Variants in SETDB1 observed in about 807,000 individuals in gnomAD.
The protein encoded by SETDB1 is histone-lysine N-methyltransferase SETDB1.
Under a neutral mutation model 137.4 loss-of-function variants are expected in SETDB1, and 31 were observed. The ratio of observed to expected loss-of-function variants is 0.23; its 90% CI spans 0.17 to 0.30. The LOEUF is 0.30. SETDB1 is among the 10% of genes least tolerant of loss of function. SETDB1 has a pLI of 1.00. For synonymous variants in SETDB1, 548 were observed against 579.9 expected (o/e 0.95, Z 0.79); for missense variants, 1,113 against 1,631.5 (o/e 0.68, Z 5.47).
At chr1:150,939,657 T>C (rs965952703) in intron 3 of SETDB1, among the ~76,000 whole-genome samples, 7 of 152,016 alleles carry the variant, frequency 4.6e-5, no homozygotes, top group Non-Finnish European at 7.4e-5. Flanking sequence ...GCTCTTGTTA[T>C]GTTGCCCAGG....
At chr1:150,946,845 T>C (rs768508267) in intron 9 of SETDB1, 41 bp from the exon 10 acceptor site, 9 of 1,612,118 alleles carry the variant, frequency 5.6e-6, no homozygotes, top group Non-Finnish European at 7.6e-6. Context: ...GATTCTAGCC[T>C]TTAAGCTATT....
At chr1:150,935,616 T>C (rs1290163791) in intron 3 of SETDB1, among the ~76,000 whole-genome samples, 1 of 152,206 alleles carries the variant, frequency 6.6e-6, no homozygotes, top group East Asian at 1.9e-4. Flanking sequence ...CATTGACTCC[T>C]GTTGTGACTC....
At chr1:150,933,785 T>C (rs1309439379) in intron 3 of SETDB1, among the ~76,000 whole-genome samples, 15 of 139,056 alleles carry the variant, frequency 1.1e-4, no homozygotes, top group South Asian at 2.3e-4. Flanking sequence ...TTTTCTTTTT[T>C]TTTTTTTTTT....
intron 3 of SETDB1, among the ~76,000 whole-genome samples, chr1:150,938,578 A>C (rs1008995577): frequency 6.6e-6 from 1 of 151,660 alleles, no homozygotes; most frequent in Non-Finnish European, 1.5e-5. Flanking sequence ...GCTCACTACA[A>C]CCTCCGCCTC....
chr1:150,964,388 T>A lies in SETDB1; in HGVS notation c.*24T>A. ...AGAGGACAGCCTTCTTCCCAACCCT[T>A]CTTGAACTGTCGTTTCCTCAGGAAC... On this transcript the variant is annotated 3_prime_UTR_variant, in exon 22 of 22. Transcript: ENST00000692827. 2 of 1,543,752 alleles carry A rather than the reference T, an allele frequency of 1.3e-6. No homozygotes were observed. The highest frequency in any genetic ancestry group is 1.8e-6 in the Non-Finnish European group (2 of 1,117,518).
At chr1:150,935,007 G>A (rs888435433) in intron 3 of SETDB1, among the ~76,000 whole-genome samples, 6 of 152,152 alleles carry the variant, frequency 3.9e-5, no homozygotes, top group African/African-American at 1.4e-4. Context: ...TTTTAGTAGA[G>A]ACAGGGTTTC....
At chr1:150,963,169 G>A in intron 19 of SETDB1, 30 bp downstream of exon 19, 1 of 1,593,830 alleles carries the variant, frequency 6.3e-7, no homozygotes, top group Non-Finnish European at 8.6e-7. Context: ...GGAATGGTGG[G>A]AAGAAATAGT....
At chr1:150,937,099 T>C (rs1406542237) in intron 3 of SETDB1, among the ~76,000 whole-genome samples, 1 of 151,646 alleles carries the variant, frequency 6.6e-6, no homozygotes, top group Non-Finnish European at 1.5e-5. Flanking sequence ...CACTCCAGCC[T>C]GGATGACAGA....
rs781466405 is a variant in SETDB1 at position 150,960,567 on chromosome 1, A to C, written c.2508A>C (p.Lys836Asn). ...KGSFVCIYAG[K>N]ILTDDFADKE... ...TTTAATTCTCTTCATTCTCAGGCAA[A>C]ATCCTGACAGATGACTTTGCAGACA... Residue 836 changes from lysine (K) to asparagine (N), a missense_variant, in exon 16 of 22, where the codon AAA becomes AAC. By Grantham distance (94) the Lys-to-Asn change is moderately conservative. Coordinates refer to ENST00000692827, the MANE Select transcript of SETDB1 (RefSeq NM_001366418.1). 1.2e-6 allele frequency: 2 copies of C among 1,612,812 alleles called. No homozygotes were observed.
At chr1:150,931,281 A>AAT (rs1491359549) in intron 3 of SETDB1, among the ~76,000 whole-genome samples, 3 of 142,880 alleles carry the variant, frequency 2.1e-5, no homozygotes, top group Non-Finnish European at 3.0e-5. Flanking sequence ...AAAAAAAAAA[A>AAT]GGGTTTCCAG....
intron 1 of SETDB1, chr1:150,926,953 G>A (rs964712720): frequency 4.7e-6 from 2 of 426,588 alleles, no homozygotes; most frequent in Admixed American, 3.2e-5. Context: ...AGGGGAACAA[G>A]TAATGAAAGA....
intron 3 of SETDB1, among the ~76,000 whole-genome samples, chr1:150,937,283 T>G (rs1669975622): frequency 6.6e-6 from 1 of 152,020 alleles, no homozygotes; most frequent in Non-Finnish European, 1.5e-5. Flanking sequence ...ATGATTTCAC[T>G]TAGATGAGAT....
rs1289292413 is a variant in SETDB1, at chr1:150,952,022, C to A, written c.2333+541C>A. On this transcript the variant is annotated intron_variant, in intron 14 of 21. Transcript: ENST00000692827. ...AATTAGCCGGGGGTGGTGGCGGGTG[C>A]CTGCAGTCCCAACTACTTGGGAGGC... Among the ~76,000 whole-genome samples the A allele has an allele frequency of 2.0e-5, 3 of 151,842 alleles. No individual in the cohort carries two copies. In the East Asian group the frequency reaches 5.8e-4, roughly 29 times the overall value.
At chr1:150,931,589 T>C (rs976590824) in intron 3 of SETDB1, among the ~76,000 whole-genome samples, 5 of 144,108 alleles carry the variant, frequency 3.5e-5, no homozygotes, top group Non-Finnish European at 7.5e-5. Flanking sequence ...TGTGCACATG[T>C]ACCCTAAAAC....
Position 150,963,619 on chromosome 1 carries a change from G to A in SETDB1, c.3550G>A (p.Ala1184Thr). 6.2e-7 allele frequency: 1 copy of A among 1,614,106 alleles called. No homozygotes were observed. The change falls in exon 20 of 22, where the codon GCC becomes ACC. Residue 1184 changes from alanine to threonine, a missense_variant. Physicochemically the swap from Ala to Thr is moderately conservative, Grantham distance 58. Coordinates refer to ENST00000692827, the MANE Select transcript of SETDB1 (RefSeq NM_001366418.1). ...HGIAIKSTNM[A>T]SVDKGESAPV... is the part of the protein sequence containing the mutation. ...GATTGCAATTAAATCAACCAACATG[G>A]CCTCTGTGGACAAGGGGGAGAGCGC...
chr1:150,938,989 A>G (rs1471579558), intron 3 of SETDB1, among the ~76,000 whole-genome samples: 1 of 152,092 alleles, frequency 6.6e-6, no homozygotes, highest in African/African-American at 2.4e-5. Context: ...ACCAAGCTGG[A>G]GTGCAATGGT....
chr1:150,945,169 G>C, intron 9 of SETDB1, 61 bp downstream of exon 9: 1 of 1,604,496 alleles, frequency 6.2e-7, no homozygotes. Flanking sequence ...TTAAGAAGCA[G>C]TAATGAGGAT....
intron 3 of SETDB1, among the ~76,000 whole-genome samples, chr1:150,932,037 G>T (rs587680954): frequency 4.0e-5 from 6 of 151,808 alleles, no homozygotes; most frequent in Non-Finnish European, 7.4e-5. Flanking sequence ...ACCAGCCTTG[G>T]TCTTGATGTA....
Position 150,963,127 on chromosome 1 carries a change from A to G in SETDB1, c.3448A>G (p.Lys1150Glu). 1 of 1,613,590 alleles carries G rather than the reference A, an allele frequency of 6.2e-7. No homozygotes were observed. Among genetic ancestry groups the G allele is most frequent in the South Asian group, 1.1e-5 (1 of 91,058 alleles). Residue 1150 changes from lysine to glutamate, a missense_variant, in exon 19 of 22, where the codon AAG becomes GAG. Lys to Glu is a moderately conservative substitution (Grantham distance 56). Coordinates refer to ENST00000692827, the MANE Select transcript of SETDB1 (RefSeq NM_001366418.1). The stretch of plus-strand genomic sequence containing the variant: ...TGAAGGGGATGACTTTGAGGACAAG[A>G]AGAACATGACTGGTAGCCTGGAAAA... Reference protein sequence around the residue: ...GSEGDDFEDKKNMTGPMKRQV... With the variant: ...GSEGDDFEDKENMTGPMKRQV...
Sources: gnomAD v4.1 joint callset for allele counts (sites outside exome capture counted in the v4.1 genomes callset) on GRCh38, gnomAD v4.1.1 for gene constraint, MANE v1.5 for transcripts, NCBI Gene and HGNC (gene_info 2026-07-23, HGNC 2026-07-21) for gene names.